Variants in KAT7 observed in about 807,000 individuals in gnomAD.
The protein encoded by KAT7 is histone acetyltransferase KAT7.
Under a neutral mutation model 82.1 loss-of-function variants are expected in KAT7, and 10 were observed. The ratio of observed to expected loss-of-function variants is 0.12; its 90% CI spans 0.08 to 0.21. The LOEUF (loss-of-function observed/expected upper bound fraction) is 0.21, where lower values mean the gene tolerates loss of function less well. KAT7 is among the 10% of genes least tolerant of loss of function. KAT7 has a pLI of 1.00. For synonymous variants in KAT7, 250 were observed against 262.5 expected (o/e 0.95, Z 0.46); for missense variants, 378 against 760.9 (o/e 0.50, Z 5.92).
chr17:49,821,793 A>G lies in KAT7; in HGVS notation c.1386+3A>G. The G allele has an allele frequency of 6.2e-7, 1 of 1,613,902 alleles. No individual in the cohort carries two copies. ...ACCTGATTGGATATTTTTCTAAGGTAAGCAGGATCTGGAGATTAAGAAGCC... is the reference window on the plus strand; with the variant it reads ...ACCTGATTGGATATTTTTCTAAGGTGAGCAGGATCTGGAGATTAAGAAGCC... On this transcript the variant is annotated splice_donor_region_variant and intron_variant, in intron 11 of 14. Transcript: ENST00000259021.
intron 11 of KAT7, among the ~76,000 whole-genome samples, chr17:49,822,141 A>G (rs2074311778): frequency 6.7e-6 from 1 of 150,350 alleles, no homozygotes; most frequent in Non-Finnish European, 1.5e-5. Context: ...CCAGGAATAT[A>G]CTCTTTTTGC....
At chr17:49,824,722 A>G (rs1273682312) in intron 12 of KAT7, 1 of 152,182 alleles carries the variant, frequency 6.6e-6, no homozygotes, top group Non-Finnish European at 1.5e-5. Flanking sequence ...TAAGAGGGGA[A>G]CTATATATCT....
At chr17:49,790,626 G>A (rs1234379188) in intron 1 of KAT7, among the ~76,000 whole-genome samples, 2 of 152,162 alleles carry the variant, frequency 1.3e-5, no homozygotes, top group Non-Finnish European at 2.9e-5. Context: ...TTAGTAACCT[G>A]TTTGGCGGCA....
At position 49,828,885 on chromosome 17, in the gene KAT7, T is replaced by C. The variant is rs1195117209; in HGVS notation, c.*1383T>C. On this transcript the variant is annotated 3_prime_UTR_variant, in exon 15 of 15. Coordinates refer to ENST00000259021, the MANE Select transcript of KAT7 (RefSeq NM_007067.5). Reference sequence around the variant, plus strand: ...TCTTGTCATCTCTGTACACTACTTATATTCACTGTGGGTTGGGGGAGCTAA... The same window carrying C: ...TCTTGTCATCTCTGTACACTACTTACATTCACTGTGGGTTGGGGGAGCTAA... The C allele has an allele frequency of 6.5e-6, 1 of 153,380 alleles. No individual in the cohort carries two copies. Among genetic ancestry groups the C allele is most frequent in the Admixed American group, 6.5e-5 (1 of 15,282 alleles). The allele number at this position is 153,380 out of a possible 1,614,324, so 9.5% of individuals were successfully genotyped here. A position where few individuals can be genotyped will look rare whatever the true frequency, so the allele number is the denominator to read the frequency against.
chr17:49,792,508 C>T (rs75770076), intron 2 of KAT7, among the ~76,000 whole-genome samples: 133 of 151,912 alleles, frequency 8.8e-4, no homozygotes, highest in African/African-American at 3.1e-3. Flanking sequence ...TTTTGAATTT[C>T]GGTCTTTTCC....
intron 6 of KAT7, 23 bp from the exon 7 acceptor site, chr17:49,811,453 A>T (rs367787052): frequency 7.8e-5 from 96 of 1,224,308 alleles, no homozygotes; most frequent in Non-Finnish European, 9.9e-5. Context: ...GTTTTCTCTC[A>T]GTTTTCTCCT....
intron 8 of KAT7, among the ~76,000 whole-genome samples, chr17:49,816,617 C>G (rs183099535): frequency 2.5e-4 from 38 of 152,244 alleles, no homozygotes; most frequent in Admixed American, 2.0e-3. Flanking sequence ...AAATACTAGA[C>G]TTGTTGAAAA....
intron 8 of KAT7, 45 bp downstream of exon 8, chr17:49,815,958 C>CTTA: frequency 8.9e-7 from 1 of 1,125,430 alleles, no homozygotes; most frequent in African/African-American, 1.5e-5. Context: ...GTGAAAGGTG[C>CTTA]TTAGAGTTGC....
intron 7 of KAT7, among the ~76,000 whole-genome samples, chr17:49,813,862 C>T (rs1045157541): frequency 1.3e-5 from 2 of 151,102 alleles, no homozygotes; most frequent in South Asian, 2.1e-4. Flanking sequence ...CAAGAGATGA[C>T]TGTATTTCCT....
chr17:49,790,290 G>A (rs934474122), intron 1 of KAT7, among the ~76,000 whole-genome samples: 2 of 152,126 alleles, frequency 1.3e-5, no homozygotes, highest in Admixed American at 6.5e-5. Context: ...TCCGCCTCCC[G>A]GGTTCAAGCG....
intron 9 of KAT7, among the ~76,000 whole-genome samples, chr17:49,819,224 G>C (rs1222563208): frequency 1.3e-5 from 2 of 152,064 alleles, no homozygotes; most frequent in African/African-American, 4.8e-5. Flanking sequence ...TATGTTCCCA[G>C]TTCAGGAGCA....
At chr17:49,821,276 T>G in intron 9 of KAT7, 61 bp from the exon 10 acceptor site, 2 of 1,267,432 alleles carry the variant, frequency 1.6e-6, no homozygotes, top group Non-Finnish European at 2.3e-6. Flanking sequence ...CCTTTTCCCT[T>G]TTGAGGAGCA....
At chr17:49,820,243 C>CAA (rs539596857) in intron 9 of KAT7, among the ~76,000 whole-genome samples, 3 of 143,644 alleles carry the variant, frequency 2.1e-5, no homozygotes, top group East Asian at 2.0e-4. Flanking sequence ...CACCCTATCT[C>CAA]AAAAAAAAAA....
Position 49,788,721 on chromosome 17 carries a change from A to T in KAT7, c.-114A>T, listed in dbSNP as rs2073839421. The T allele has an allele frequency of 1.7e-6, 2 of 1,185,260 alleles. No homozygotes were observed. Among genetic ancestry groups the T allele is most frequent in the Admixed American group, 2.7e-5 (1 of 36,378 alleles). The allele number at this position is 1,185,260 out of a possible 1,614,324, so 73.4% of individuals were successfully genotyped here. A position where few individuals can be genotyped will look rare whatever the true frequency, so the allele number is the denominator to read the frequency against. The stretch of plus-strand genomic sequence containing the variant: ...CGCTGAGAGGCAGGAGGCACTAGGG[A>T]TCGTCCGCAGGATTGGGACTGATAC... On this transcript the variant is annotated 5_prime_UTR_variant, in exon 1 of 15. Coordinates refer to ENST00000259021, the MANE Select transcript of KAT7 (RefSeq NM_007067.5).
At chr17:49,824,331 C>G (rs2074341506) in intron 12 of KAT7, among the ~76,000 whole-genome samples, 1 of 152,042 alleles carries the variant, frequency 6.6e-6, no homozygotes, top group South Asian at 2.1e-4. Context: ...ATTGGAATTC[C>G]TAGAATTAGC....
At chr17:49,797,467 G>T (rs2073971683) in intron 3 of KAT7, among the ~76,000 whole-genome samples, 1 of 151,998 alleles carries the variant, frequency 6.6e-6, no homozygotes. Context: ...AAAGAGACTG[G>T]GCCCTTCTTA....
chr17:49,829,543 T>C lies in KAT7; in HGVS notation c.*2041T>C, dbSNP rs1284662286. ...GTGTCACCTCTAATTATTGACTCTC[T>C]CGCAGGTTGAAATTATTCTTTTTGA... On this transcript the variant is annotated 3_prime_UTR_variant, in exon 15 of 15. Coordinates refer to ENST00000259021, the MANE Select transcript of KAT7 (RefSeq NM_007067.5). 5 of 152,162 alleles carry C rather than the reference T, an allele frequency of 3.3e-5. No individual in the cohort carries two copies. The highest frequency in any genetic ancestry group is 4.8e-5 in the African/African-American group (2 of 41,442). 9.4% of individuals were successfully genotyped at this position (152,162 alleles called of 1,614,324 possible).
rs1462417293 is a variant in KAT7, at chr17:49,831,424, T to G, written c.*3922T>G. 2 of 152,242 alleles carry G rather than the reference T, an allele frequency of 1.3e-5. No individual in the cohort carries two copies. The highest frequency in any genetic ancestry group is 4.8e-5 in the African/African-American group (2 of 41,460). 9.4% of individuals were successfully genotyped at this position (152,242 alleles called of 1,614,324 possible). On this transcript the variant is annotated 3_prime_UTR_variant, in exon 15 of 15. Coordinates refer to ENST00000259021, the MANE Select transcript of KAT7 (RefSeq NM_007067.5). ...TAAACTGTTCAGTAAGCACTGTCCC[T>G]TTACTTCCATGGTTTTCTTCATTCC...
intron 5 of KAT7, 74 bp from the exon 6 acceptor site, chr17:49,809,045 C>A: frequency 8.9e-7 from 1 of 1,122,884 alleles, no homozygotes; most frequent in Non-Finnish European, 1.3e-6. Flanking sequence ...AAGGCATTAT[C>A]ATTGTATTCT....
Sources: allele counts gnomAD v4.1 joint callset (sites outside exome capture counted in the v4.1 genomes callset), GRCh38; gene constraint gnomAD v4.1.1; transcripts MANE v1.5; gene names NCBI Gene and HGNC (gene_info 2026-07-23, HGNC 2026-07-21).